The following ITPRID1 variants were observed in gnomAD, a reference collection of about 807,000 sequenced individuals.
ITPRID1 encodes ITPR interacting domain containing 1, also known as protein ITPRID1.
In ITPRID1, 96 loss-of-function variants were observed where a neutral mutation model predicts 95.4. That is an observed-to-expected ratio of 1.01 (90% confidence interval 0.85 to 1.19). The LOEUF is 1.19. Ranked by LOEUF, ITPRID1 falls within the 50% of genes most tolerant of loss-of-function variation. The pLI, the probability that ITPRID1 is intolerant of heterozygous loss-of-function variation, is 0.00. For synonymous variants in ITPRID1, 510 were observed against 453.6 expected (o/e 1.12, Z -1.58); for missense variants, 1,339 against 1,252.9 (o/e 1.07, Z -1.04).
At chr7:31,542,810 A>G (rs1277523844) in intron 1 of ITPRID1, among the ~76,000 whole-genome samples, 1 of 152,168 alleles carries the variant, frequency 6.6e-6, no homozygotes, top group African/African-American at 2.4e-5. Flanking sequence ...ATATGCAAAC[A>G]AAAATGTATG....
chr7:31,618,032 ATCCATGG>A (rs944910789), intron 10 of ITPRID1, among the ~76,000 whole-genome samples: 1 of 152,204 alleles, frequency 6.6e-6, no homozygotes, highest in Non-Finnish European at 1.5e-5. Flanking sequence ...TAGTTGTGGC[ATCCATGG>A]GATCCTAAAG....
intron 1 of ITPRID1, among the ~76,000 whole-genome samples, chr7:31,523,064 T>C (rs1258149046): frequency 6.6e-6 from 1 of 152,224 alleles, no homozygotes. Flanking sequence ...AAGTTTTAAA[T>C]GAGATGATGT....
chr7:31,627,324 A>T (rs942656959), intron 10 of ITPRID1, among the ~76,000 whole-genome samples: 4 of 152,244 alleles, frequency 2.6e-5, no homozygotes, highest in African/African-American at 9.6e-5. Flanking sequence ...CAAACAAAAA[A>T]GAGTGACATC....
intron 10 of ITPRID1, among the ~76,000 whole-genome samples, chr7:31,627,522 A>T (rs536038790): frequency 2.6e-5 from 4 of 151,984 alleles, no homozygotes; most frequent in Non-Finnish European, 5.9e-5. Flanking sequence ...GTCCAATGGG[A>T]TGGTGCACAC....
chr7:31,644,477 T>A (rs1045020923), intron 12 of ITPRID1, among the ~76,000 whole-genome samples: 4 of 152,186 alleles, frequency 2.6e-5, no homozygotes, highest in Non-Finnish European at 5.9e-5. Flanking sequence ...ATTGTGTGGG[T>A]GTGTTACTCT....
At chr7:31,639,211 G>A (rs935028660) in intron 10 of ITPRID1, among the ~76,000 whole-genome samples, 5 of 152,120 alleles carry the variant, frequency 3.3e-5, no homozygotes, top group Admixed American at 1.3e-4. Context: ...GGATTTTTCA[G>A]TTACCTATAC....
At chr7:31,618,252 C>T (rs976298572) in intron 10 of ITPRID1, among the ~76,000 whole-genome samples, 3 of 152,194 alleles carry the variant, frequency 2.0e-5, no homozygotes, top group East Asian at 3.9e-4. Flanking sequence ...TTTCTGCCCC[C>T]TCACTTCTCC....
At chr7:31,638,313 A>G (rs1457605027) in intron 10 of ITPRID1, among the ~76,000 whole-genome samples, 2 of 152,216 alleles carry the variant, frequency 1.3e-5, no homozygotes, top group South Asian at 2.1e-4. Flanking sequence ...ATAAATATAT[A>G]GTGAGTATAC....
At chr7:31,591,201 C>A (rs1440673377) in intron 10 of ITPRID1, among the ~76,000 whole-genome samples, 1 of 152,170 alleles carries the variant, frequency 6.6e-6, no homozygotes, top group Non-Finnish European at 1.5e-5. Context: ...TCCTTGCAAT[C>A]AAGATACATG....
At chr7:31,522,342 A>G (rs1036421347) in intron 1 of ITPRID1, among the ~76,000 whole-genome samples, 2 of 152,172 alleles carry the variant, frequency 1.3e-5, no homozygotes, top group Non-Finnish European at 2.9e-5. Context: ...GTAGACTAAG[A>G]TTGCAGTGTG....
At chr7:31,633,500 G>T (rs2128197395) in intron 10 of ITPRID1, among the ~76,000 whole-genome samples, 1 of 152,284 alleles carries the variant, frequency 6.6e-6, no homozygotes, top group East Asian at 1.9e-4. Context: ...GGTTTTGTTT[G>T]TTCTACAAAA....
chr7:31,580,868 C>A (rs1785377790), intron 9 of ITPRID1, among the ~76,000 whole-genome samples: 1 of 152,044 alleles, frequency 6.6e-6, no homozygotes, highest in Non-Finnish European at 1.5e-5. Context: ...GTGTGAGAGA[C>A]TGTATGTGTA....
chr7:31,532,159 T>G (rs1013437997), intron 1 of ITPRID1, among the ~76,000 whole-genome samples: 3 of 152,148 alleles, frequency 2.0e-5, no homozygotes, highest in Non-Finnish European at 2.9e-5. Context: ...TTTATTTTGT[T>G]GCATGTATGT....
intron 12 of ITPRID1, among the ~76,000 whole-genome samples, chr7:31,649,979 G>A (rs952035798): frequency 3.3e-5 from 5 of 152,152 alleles, no homozygotes; most frequent in Admixed American, 6.5e-5. Flanking sequence ...GGGCTCAGTA[G>A]AGTCAGAAAA....
At chr7:31,563,396 T>C (rs1363781173) in intron 5 of ITPRID1, among the ~76,000 whole-genome samples, 1 of 152,034 alleles carries the variant, frequency 6.6e-6, no homozygotes, top group Non-Finnish European at 1.5e-5. Flanking sequence ...AAAGAGGGAA[T>C]AACACTTGAT....
At chr7:31,658,299 C>CTTTTTT, downstream of ITPRID1, 1 of 1,388,398 alleles carries the variant, frequency 7.2e-7, no homozygotes. Flanking sequence ...AGCTGGATCC[C>CTTTTTT]TTTTTTTTTT....
chr7:31,620,978 A>C (rs38346), intron 10 of ITPRID1, among the ~76,000 whole-genome samples: 1 of 148,178 alleles, frequency 6.7e-6, no homozygotes, highest in Admixed American at 6.7e-5. Flanking sequence ...CTCAGGAGCC[A>C]ATGCGATCAA....
chr7:31,572,280 T>G, intron 7 of ITPRID1, 92 bp downstream of exon 7: 3 of 728,460 alleles, frequency 4.1e-6, no homozygotes, highest in Non-Finnish European at 6.9e-6. Context: ...GTTGAATGAA[T>G]GGATGAGAGA....
intron 10 of ITPRID1, among the ~76,000 whole-genome samples, chr7:31,636,307 A>T (rs796971830): frequency 9.7e-4 from 148 of 152,332 alleles, no homozygotes; most frequent in African/African-American, 3.4e-3. Context: ...ATGGGCTCTA[A>T]CATATCACTC....
Sources: allele counts gnomAD v4.1 joint callset (sites outside exome capture counted in the v4.1 genomes callset), GRCh38; gene constraint gnomAD v4.1.1; transcripts MANE v1.5; gene names NCBI Gene and HGNC (gene_info 2026-07-23, HGNC 2026-07-21).